SLC7A8: variants seen among roughly 807,000 people sequenced by gnomAD.
The protein encoded by SLC7A8 is solute carrier family 7 member 8, also known as large neutral amino acids transporter small subunit 2.
In SLC7A8, 30 loss-of-function variants were observed where a neutral mutation model predicts 51.2. That is an observed-to-expected ratio of 0.59 (90% CI 0.44 to 0.80). SLC7A8 has a LOEUF of 0.80. Among genes scored for constraint, SLC7A8 ranks in the 30% least tolerant of loss-of-function variants. The probability of loss-of-function intolerance (pLI) is 0.00; values close to 1 mark genes in which losing one functional copy is unlikely to be tolerated. For missense variants in SLC7A8, 612 were observed against 674.4 expected (o/e 0.91, Z 1.03); for synonymous variants, 257 against 275.8 (o/e 0.93, Z 0.67).
chr14:23,151,077 T>C (rs1219638013), intron 3 of SLC7A8, among the ~76,000 whole-genome samples: 2 of 152,182 alleles, frequency 1.3e-5, no homozygotes, highest in African/African-American at 4.8e-5. Context: ...CTCTGTCTGC[T>C]AGGGAGGAAC....
At chr14:23,161,431 C>T (rs1444501431) in intron 3 of SLC7A8, among the ~76,000 whole-genome samples, 2 of 151,962 alleles carry the variant, frequency 1.3e-5, no homozygotes, top group African/African-American at 2.4e-5. Context: ...ATCAGCATGT[C>T]GCCACAGGAC....
chr14:23,129,509 G>A (rs2140300495), intron 9 of SLC7A8, 141 bp downstream of exon 9: 1 of 906,872 alleles, frequency 1.1e-6, no homozygotes, highest in East Asian at 2.5e-5. Context: ...TTCACAAATG[G>A]CCCTTGCTTT....
intron 3 of SLC7A8, among the ~76,000 whole-genome samples, chr14:23,159,868 A>G (rs2048912623): frequency 6.6e-6 from 1 of 152,224 alleles, no homozygotes; most frequent in African/African-American, 2.4e-5. Context: ...GAATCTCAGT[A>G]GAAAGATAGA....
intron 1 of SLC7A8, among the ~76,000 whole-genome samples, chr14:23,180,043 C>T (rs564366219): frequency 3.4e-4 from 52 of 151,850 alleles, no homozygotes; most frequent in Middle Eastern, 3.4e-3. Flanking sequence ...GTAGCTGGGA[C>T]TACAGGCATG....
chr14:23,158,937 C>T (rs938882266), intron 3 of SLC7A8, among the ~76,000 whole-genome samples: 1 of 152,106 alleles, frequency 6.6e-6, no homozygotes, highest in Non-Finnish European at 1.5e-5. Context: ...TCATGTGACT[C>T]CTCTGCTCAA....
intron 7 of SLC7A8, among the ~76,000 whole-genome samples, chr14:23,137,071 G>GC (rs1314688731): frequency 2.6e-5 from 4 of 152,164 alleles, no homozygotes; most frequent in Non-Finnish European, 5.9e-5. Flanking sequence ...TCTGAGGGCA[G>GC]GGGGTGCTTT....
chr14:23,130,876 A>C (rs2048626290), intron 8 of SLC7A8, among the ~76,000 whole-genome samples: 1 of 152,230 alleles, frequency 6.6e-6, no homozygotes, highest in African/African-American at 2.4e-5. Flanking sequence ...TCCTTCCTAT[A>C]GCTCTCTCAA....
intron 8 of SLC7A8, 23 bp downstream of exon 8, chr14:23,131,438 G>C: frequency 6.5e-7 from 1 of 1,545,670 alleles, no homozygotes; most frequent in Non-Finnish European, 8.7e-7. Context: ...TGTGTGGAGA[G>C]TTACAGCAGG....
In SLC7A8 at chr14:23,128,314, T is replaced by C. The variant is rs542957807; in HGVS notation, c.1264-118A>G. 1.3e-6 allele frequency: 2 copies of C among 1,549,722 alleles called. No homozygotes were observed. The highest frequency in any genetic ancestry group is 1.9e-5 in the Admixed American group (1 of 51,296). ...GAGACACATCCTCAAGGGCAAAGGCTGGGCTTCCCTCGGCTCTGTGGTCCC... is the reference window on the plus strand; with the variant it reads ...GAGACACATCCTCAAGGGCAAAGGCCGGGCTTCCCTCGGCTCTGTGGTCCC... On this transcript the variant is annotated intron_variant, in intron 9 of 10. Transcript: ENST00000316902. This position sits in a 1 kb window ranked among gnomAD's most constrained non-coding sequence, Gnocchi z 4.3.
chr14:23,128,177 A>G lies in SLC7A8; in HGVS notation c.1283T>C (p.Ile428Thr). The G allele has an allele frequency of 6.2e-7, 1 of 1,614,126 alleles. No homozygotes were observed. Among genetic ancestry groups the G allele is most frequent in the Non-Finnish European group, 8.5e-7 (1 of 1,180,008 alleles). The stretch of plus-strand genomic sequence containing the variant: ...GAAGGCCCAGAACAGCAAGTAGATG[A>G]TGGGGAACAGCAGGTTGATCTGTGG... Reference protein sequence around the residue: ...RPIKINLLFPIIYLLFWAFLL... With the variant: ...RPIKINLLFPTIYLLFWAFLL... The change falls in exon 10 of 11, where the codon ATC becomes ACC. Residue 428 changes from isoleucine (I) to threonine (T), a missense_variant. Ile to Thr is a moderately conservative substitution (Grantham distance 89). Transcript: ENST00000316902. The surrounding 1 kb of genome is among the most constrained non-coding windows in gnomAD (Gnocchi z 4.3).
intron 3 of SLC7A8, among the ~76,000 whole-genome samples, chr14:23,152,223 GGGCTCAA>G (rs2048853846): frequency 6.6e-6 from 1 of 152,008 alleles, no homozygotes; most frequent in Admixed American, 6.5e-5. Context: ...TCTGCCTCCT[GGGCTCAA>G]GCAGTCCTCC....
intron 3 of SLC7A8, among the ~76,000 whole-genome samples, chr14:23,163,809 C>G (rs2048935848): frequency 6.6e-6 from 1 of 152,072 alleles, no homozygotes; most frequent in South Asian, 2.1e-4. Flanking sequence ...GTAAAATACC[C>G]CAATCCATTG....
At chr14:23,143,828 C>A (rs1245299188) in intron 3 of SLC7A8, among the ~76,000 whole-genome samples, 1 of 152,176 alleles carries the variant, frequency 6.6e-6, no homozygotes, top group Non-Finnish European at 1.5e-5. Context: ...TCTTCCCCTA[C>A]CTCTACAACC....
chr14:23,157,851 T>C (rs886468099), intron 3 of SLC7A8, among the ~76,000 whole-genome samples: 5 of 152,236 alleles, frequency 3.3e-5, no homozygotes, highest in African/African-American at 9.6e-5. Flanking sequence ...CCTGGGGAAC[T>C]GGAACTCCAG....
rs17198995 is a variant in SLC7A8 at position 23,126,214 on chromosome 14, A to G, written c.*963T>C. ...TTAAGGCTGATCTGGCTCTGATCTC[A>G]GGCCTGAAGGGCTTGGGGATCCTTC... On this transcript the variant is annotated 3_prime_UTR_variant, in exon 11 of 11. Transcript: ENST00000316902. The G allele has an allele frequency of 0.054, 8,274 of 153,166 alleles. 284 individuals are homozygous for G. The highest frequency in any genetic ancestry group is 0.078 in the Non-Finnish European group (5,296 of 68,176). 9.5% of individuals were successfully genotyped at this position (153,166 alleles called of 1,614,324 possible).
intron 1 of SLC7A8, among the ~76,000 whole-genome samples, chr14:23,170,079 C>T (rs1445208177): frequency 1.3e-5 from 2 of 152,198 alleles, no homozygotes; most frequent in East Asian, 3.8e-4. Context: ...CATTGATATC[C>T]ATTACCTTAC....
At chr14:23,141,440 T>C (rs1316553745) in intron 4 of SLC7A8, among the ~76,000 whole-genome samples, 1 of 152,242 alleles carries the variant, frequency 6.6e-6, no homozygotes, top group East Asian at 1.9e-4. Context: ...GGTGTGTGTT[T>C]GGTCTCTCTT....
chr14:23,146,382 C>A (rs1316351453), intron 3 of SLC7A8, among the ~76,000 whole-genome samples: 2 of 152,082 alleles, frequency 1.3e-5, no homozygotes, highest in African/African-American at 4.8e-5. Flanking sequence ...AATTCCTCCT[C>A]CCCCAAGCAG....
rs568344120 is a variant in SLC7A8, at chr14:23,180,113, A to G, written c.151+2651T>C. Among the ~76,000 whole-genome samples the G allele has an allele frequency of 7.1e-4, 108 of 152,180 alleles. 1 individual carries two copies. Among genetic ancestry groups the G allele is most frequent in the East Asian group, 3.3e-3 (17 of 5,172 alleles). ...AGTAGAGACGAGGTTTCACCGTGTT[A>G]GCCAGGATGGTCTTGATCTCCTGAC... On this transcript the variant is annotated intron_variant, in intron 1 of 10. Coordinates refer to ENST00000316902, the MANE Select transcript of SLC7A8 (RefSeq NM_012244.4).
Sources: gnomAD v4.1 joint callset for allele counts (sites outside exome capture counted in the v4.1 genomes callset) on GRCh38, gnomAD v4.1.1 for gene constraint, Gnocchi (gnomAD v3.1) non-coding constraint, MANE v1.5 for transcripts, NCBI Gene and HGNC (gene_info 2026-07-23, HGNC 2026-07-21) for gene names.